SLC35F4: variants seen among roughly 807,000 people sequenced by gnomAD.
The protein encoded by SLC35F4 is chromosome 14 open reading frame 36.
A neutral mutation model predicts 44.2 loss-of-function variants in SLC35F4; 24 were observed. That is an observed-to-expected ratio of 0.54 (90% confidence interval 0.39 to 0.76). The LOEUF (loss-of-function observed/expected upper bound fraction) is 0.76, where lower values mean the gene tolerates loss of function less well. SLC35F4 is among the 30% of genes least tolerant of loss of function. The pLI is 0.00. For synonymous variants in SLC35F4, 238 were observed against 223.6 expected, an observed-to-expected ratio of 1.06 and a Z score of -0.57; for missense variants, 562 against 586.1, an observed-to-expected ratio of 0.96 and a Z score of 0.42.
chr14:57,616,327 A>T (rs2071822908), intron 1 of SLC35F4, among the ~76,000 whole-genome samples: 1 of 152,206 alleles, frequency 6.6e-6, no homozygotes, highest in East Asian at 1.9e-4. Context: ...TATGAAGGGG[A>T]AATTGACCCT....
chr14:57,776,538 C>T (rs184235908), intron 1 of SLC35F4, among the ~76,000 whole-genome samples: 67 of 151,852 alleles, frequency 4.4e-4, no homozygotes, highest in Non-Finnish European at 6.0e-4. Context: ...TGGTGGCACG[C>T]GCCTGCAATC....
chr14:57,820,361 G>A (rs1883038301), intron 1 of SLC35F4, among the ~76,000 whole-genome samples: 1 of 152,128 alleles, frequency 6.6e-6, no homozygotes, highest in Admixed American at 6.5e-5. Context: ...TTTTAGGGCA[G>A]CAACTGAAGG....
intron 1 of SLC35F4, among the ~76,000 whole-genome samples, chr14:57,943,260 A>G (rs1889948741): frequency 6.6e-6 from 1 of 152,194 alleles, no homozygotes. Context: ...GACACAGCTA[A>G]GTTTCTCTTT....
chr14:57,587,121 A>G (rs2069806689), intron 3 of SLC35F4, among the ~76,000 whole-genome samples: 1 of 152,246 alleles, frequency 6.6e-6, no homozygotes, highest in Non-Finnish European at 1.5e-5. Context: ...GTCAGGAAAC[A>G]ACAGATGCAG....
intron 1 of SLC35F4, among the ~76,000 whole-genome samples, chr14:57,744,378 T>C (rs1318172863): frequency 6.6e-6 from 1 of 152,020 alleles, no homozygotes; most frequent in Non-Finnish European, 1.5e-5. Flanking sequence ...TTCAGCAAAG[T>C]CTCAGGATAC....
At chr14:57,651,392 G>T (rs1438615364) in intron 1 of SLC35F4, among the ~76,000 whole-genome samples, 1 of 152,202 alleles carries the variant, frequency 6.6e-6, no homozygotes, top group South Asian at 2.1e-4. Flanking sequence ...GGTCGGTGGT[G>T]GGGGTAGACT....
chr14:57,730,952 TA>T (rs2076328627), intron 1 of SLC35F4, among the ~76,000 whole-genome samples: 2 of 152,182 alleles, frequency 1.3e-5, no homozygotes, highest in Admixed American at 1.3e-4. Flanking sequence ...CGCCCTGTGT[TA>T]GGGGCAGTGG....
rs73305910 is a variant in SLC35F4, at chr14:57,662,691, G to C, written c.104-68567C>G. Among the ~76,000 whole-genome samples the C allele has an allele frequency of 3.3e-3, 497 of 152,264 alleles. 2 individuals carry two copies. Among genetic ancestry groups the C allele is most frequent in the African/African-American group, 0.012 (483 of 41,550 alleles). ...ACCATTTATAAATTATCCAGTCTCAGATATTCTGTTATAGCAATAGAAAAT... is the reference window on the plus strand; with the variant it reads ...ACCATTTATAAATTATCCAGTCTCACATATTCTGTTATAGCAATAGAAAAT... On this transcript the variant is annotated intron_variant, in intron 1 of 7. Coordinates refer to ENST00000556826, the MANE Select transcript of SLC35F4 (RefSeq NM_001306087.2).
At chr14:57,700,587 C>G (rs903037358) in intron 1 of SLC35F4, among the ~76,000 whole-genome samples, 1 of 151,896 alleles carries the variant, frequency 6.6e-6, no homozygotes, top group Non-Finnish European at 1.5e-5. Context: ...TAGCTTAAAA[C>G]ACACATTGTA....
intron 1 of SLC35F4, among the ~76,000 whole-genome samples, chr14:57,788,879 A>G (rs531493925): frequency 2.0e-5 from 3 of 152,198 alleles, no homozygotes; most frequent in Non-Finnish European, 2.9e-5. Context: ...GCACAACTAC[A>G]TGAAAACTAA....
rs757689321 is a variant in SLC35F4 at position 57,594,126 on chromosome 14, T to C, written c.104-2A>G. 1.9e-6 allele frequency: 3 copies of C among 1,612,920 alleles called. No homozygotes were observed. Among genetic ancestry groups the C allele is most frequent in the South Asian group, 2.2e-5 (2 of 90,900 alleles). ...TAGTGACTGATGATCTGGAGGTACC[T>C]GGAAAGACAGAGTTCACGCCAGTTT... On this transcript the variant is annotated splice_acceptor_variant, in intron 1 of 7. Coordinates refer to ENST00000556826, the MANE Select transcript of SLC35F4 (RefSeq NM_001306087.2). LOFTEE classifies it high-confidence loss of function.
At chr14:57,821,105 G>A (rs74722601) in intron 1 of SLC35F4, among the ~76,000 whole-genome samples, 8,797 of 152,110 alleles carry the variant, frequency 0.058, 474 homozygotes, top group African/African-American at 0.13. Context: ...TGTCATTGTC[G>A]TGTTTTCCTC....
chr14:57,617,806 A>G (rs182072748), intron 1 of SLC35F4, among the ~76,000 whole-genome samples: 26 of 152,348 alleles, frequency 1.7e-4, no homozygotes, highest in African/African-American at 5.5e-4. Flanking sequence ...GGAGTTAGCC[A>G]AGCAATTAAT....
At chr14:57,890,460 G>C (rs906904690) in intron 1 of SLC35F4, among the ~76,000 whole-genome samples, 2 of 152,188 alleles carry the variant, frequency 1.3e-5, no homozygotes, top group Non-Finnish European at 2.9e-5. Context: ...TTGAATGTTT[G>C]ATTTTCTATG....
chr14:57,944,694 GAAAAGAAA>G (rs1447253533), intron 1 of SLC35F4, among the ~76,000 whole-genome samples: 1 of 58,984 alleles, frequency 1.7e-5, no homozygotes, highest in African/African-American at 7.2e-5. Context: ...AAGAAAGAAA[GAAAAGAAA>G]GAAAGAAAGA....
At chr14:57,690,948 C>G (rs2140331376) in intron 1 of SLC35F4, among the ~76,000 whole-genome samples, 1 of 152,244 alleles carries the variant, frequency 6.6e-6, no homozygotes, top group African/African-American at 2.4e-5. Context: ...CAGCCCAGTA[C>G]CTAACAGTAT....
At chr14:57,870,011 G>C (rs144684640), upstream of SLC35F4, among the ~76,000 whole-genome samples, 48 of 152,262 alleles carry the variant, frequency 3.2e-4, 1 homozygote, top group African/African-American at 1.1e-3. Flanking sequence ...GTGCCAGGCT[G>C]CATCCCAGGA....
chr14:57,576,737 CTG>C (rs1402792241), intron 4 of SLC35F4, among the ~76,000 whole-genome samples: 4 of 152,098 alleles, frequency 2.6e-5, no homozygotes, highest in African/African-American at 9.7e-5. Context: ...TGCTGGGCCT[CTG>C]AACTCCCCCT....
chr14:57,812,222 C>T (rs889386138), intron 1 of SLC35F4, among the ~76,000 whole-genome samples: 1 of 152,100 alleles, frequency 6.6e-6, no homozygotes, highest in Non-Finnish European at 1.5e-5. Context: ...TCTCAACATC[C>T]AAAGCAAGTG....
Sources: allele counts gnomAD v4.1 joint callset (sites outside exome capture counted in the v4.1 genomes callset), GRCh38; gene constraint gnomAD v4.1.1; transcripts MANE v1.5; gene names NCBI Gene and HGNC (gene_info 2026-07-23, HGNC 2026-07-21).